Variants in FRMD4A observed in about 807,000 individuals in gnomAD.
The protein encoded by FRMD4A is FERM domain containing 4A.
Under a neutral mutation model 129.1 loss-of-function variants are expected in FRMD4A, and 29 were observed. The ratio of observed to expected loss-of-function variants is 0.22; its 90% CI spans 0.17 to 0.31. The LOEUF (loss-of-function observed/expected upper bound fraction) is 0.31, where lower values mean the gene tolerates loss of function less well. FRMD4A is among the 10% of genes least tolerant of loss of function. FRMD4A has a pLI of 1.00. For missense variants in FRMD4A, 1,272 were observed against 1,375.8 expected, an observed-to-expected ratio of 0.92 and a Z score of 1.19; for synonymous variants, 634 against 571.6, an observed-to-expected ratio of 1.11 and a Z score of -1.56.
At chr10:14,209,103 T>C (rs1887243) in intron 2 of FRMD4A, among the ~76,000 whole-genome samples, 150,501 of 152,192 alleles carry the variant, frequency 0.99, 74,433 homozygotes, top group East Asian at 1. Flanking sequence ...TCCTTCCTTT[T>C]CTCTTCCTCA....
Position 13,657,310 on chromosome 10 carries a change from T to C in FRMD4A, c.2279A>G (p.Tyr760Cys). The change falls in exon 22 of 25, where the codon TAC (tyrosine) becomes TGC (cysteine). Residue 760 changes from tyrosine (Y) to cysteine (C), a missense_variant. Coordinates refer to ENST00000357447, the MANE Select transcript of FRMD4A (RefSeq NM_018027.5). Reference protein sequence around the residue: ...CTSHSSSEHYYPAQMNANYST... With the variant: ...CTSHSSSEHYCPAQMNANYST... ...GTAGTTGGCGTTCATCTGCGCCGGG[T>C]AGTAGTGCTCCGAGCTCGAGTGGCT... 1 of 1,611,148 alleles carries C rather than the reference T, an allele frequency of 6.2e-7. No homozygotes were observed. The highest frequency in any genetic ancestry group is 8.5e-7 in the Non-Finnish European group (1 of 1,179,610).
chr10:13,796,179 G>A (rs527903792), intron 5 of FRMD4A, among the ~76,000 whole-genome samples: 18 of 152,044 alleles, frequency 1.2e-4, no homozygotes, highest in Admixed American at 3.3e-4. Context: ...AGAATCCCAC[G>A]GCCTGTGCTA....
intron 6 of FRMD4A, among the ~76,000 whole-genome samples, chr10:13,768,668 C>T (rs1475557446): frequency 2.6e-5 from 4 of 152,146 alleles, no homozygotes; most frequent in South Asian, 4.1e-4. Context: ...ATGCCATTCT[C>T]CTTAAGATTA....
At chr10:13,877,691 G>A (rs2094502391) in intron 2 of FRMD4A, among the ~76,000 whole-genome samples, 1 of 152,240 alleles carries the variant, frequency 6.6e-6, no homozygotes. Flanking sequence ...TTTGGAAAGG[G>A]TTCTGCTGGA....
intron 2 of FRMD4A, among the ~76,000 whole-genome samples, chr10:14,185,692 A>C (rs1376386873): frequency 1.3e-5 from 2 of 152,210 alleles, no homozygotes; most frequent in South Asian, 2.1e-4. Flanking sequence ...GGATAGCAGC[A>C]GCTCAACAGT....
intron 2 of FRMD4A, among the ~76,000 whole-genome samples, chr10:14,242,072 C>T (rs548854371): frequency 2.6e-5 from 4 of 152,266 alleles, no homozygotes; most frequent in African/African-American, 9.6e-5. Flanking sequence ...ACTCACTACT[C>T]GAGGTACTTG....
chr10:13,824,735 A>G (rs886943821), intron 3 of FRMD4A, among the ~76,000 whole-genome samples: 4 of 151,866 alleles, frequency 2.6e-5, no homozygotes, highest in Admixed American at 6.6e-5. Flanking sequence ...TCTACTAAAA[A>G]TACAAAAAAA....
intron 3 of FRMD4A, among the ~76,000 whole-genome samples, chr10:13,814,579 T>TAA (rs1311074468): frequency 6.6e-5 from 1 of 15,200 alleles, no homozygotes; most frequent in Non-Finnish European, 1.2e-4. Flanking sequence ...AGACCCTGTT[T>TAA]CAAAAAAAAA....
chr10:13,758,926 G>A (rs984416648), intron 8 of FRMD4A, among the ~76,000 whole-genome samples: 1 of 152,232 alleles, frequency 6.6e-6, no homozygotes, highest in African/African-American at 2.4e-5. Context: ...CCACTGAACC[G>A]AATGTGGTCA....
chr10:13,911,430 A>C (rs2094939539), intron 2 of FRMD4A, among the ~76,000 whole-genome samples: 1 of 152,206 alleles, frequency 6.6e-6, no homozygotes, highest in Non-Finnish European at 1.5e-5. Flanking sequence ...TTAGATACTC[A>C]AGAATCTAAA....
chr10:13,818,224 G>T (rs1212760295), intron 3 of FRMD4A, among the ~76,000 whole-genome samples: 1 of 122,172 alleles, frequency 8.2e-6, no homozygotes, highest in East Asian at 2.4e-4. Context: ...GAGTGCAGTG[G>T]TGCCATAATA....
chr10:14,101,481 C>G (rs1404848702), intron 2 of FRMD4A, among the ~76,000 whole-genome samples: 1 of 152,138 alleles, frequency 6.6e-6, no homozygotes, highest in Non-Finnish European at 1.5e-5. Flanking sequence ...CATTTATGCT[C>G]TATTCCAATT....
chr10:13,722,389 A>C, intron 12 of FRMD4A, among the ~76,000 whole-genome samples: 1 of 149,666 alleles, frequency 6.7e-6, no homozygotes, highest in African/African-American at 2.5e-5. Context: ...GCACCACCAT[A>C]CTCGGCTAAT....
At chr10:13,958,079 T>A in intron 2 of FRMD4A, among the ~76,000 whole-genome samples, 1 of 152,152 alleles carries the variant, frequency 6.6e-6, no homozygotes, top group Non-Finnish European at 1.5e-5. Flanking sequence ...CCTGGCCCCA[T>A]ACGCTACTGC....
At chr10:14,123,078 G>A (rs1838624100) in intron 2 of FRMD4A, among the ~76,000 whole-genome samples, 1 of 151,186 alleles carries the variant, frequency 6.6e-6, no homozygotes, top group Admixed American at 6.6e-5. Flanking sequence ...AATATATTTG[G>A]AAATTTCAAT....
At chr10:14,034,633 C>T (rs1412095586) in intron 2 of FRMD4A, among the ~76,000 whole-genome samples, 1 of 152,156 alleles carries the variant, frequency 6.6e-6, no homozygotes, top group Non-Finnish European at 1.5e-5. Context: ...GGGTCTCTAC[C>T]TGCACTTTAC....
chr10:14,156,353 C>T (rs951307076), intron 2 of FRMD4A, among the ~76,000 whole-genome samples: 3 of 152,114 alleles, frequency 2.0e-5, no homozygotes, highest in South Asian at 2.1e-4. Context: ...ACAATACACA[C>T]CCATGTCAGT....
chr10:13,830,363 G>T (rs1330348223), intron 3 of FRMD4A, among the ~76,000 whole-genome samples: 1 of 152,176 alleles, frequency 6.6e-6, no homozygotes, highest in African/African-American at 2.4e-5. Context: ...TCAAGGAATT[G>T]GGAAGGCGAC....
intron 15 of FRMD4A, among the ~76,000 whole-genome samples, chr10:13,681,188 T>G (rs1287324694): frequency 6.6e-6 from 1 of 152,224 alleles, no homozygotes; most frequent in Non-Finnish European, 1.5e-5. Context: ...TCTACCTTCC[T>G]AACTTCTAGC....
Sources: gnomAD v4.1 joint callset for allele counts (sites outside exome capture counted in the v4.1 genomes callset) on GRCh38, gnomAD v4.1.1 for gene constraint, MANE v1.5 for transcripts, NCBI Gene and HGNC (gene_info 2026-07-23, HGNC 2026-07-21) for gene names.